SMAD1: variants seen among roughly 807,000 people sequenced by gnomAD.
SMAD1 encodes the protein SMAD family member 1, also known as MAD, mothers against decapentaplegic homolog 1.
SMAD1 carries 6 observed loss-of-function variants against 41.6 expected under a neutral mutation model. The observed-to-expected ratio is 0.14, with a 90% CI of 0.08 to 0.28. SMAD1 has a LOEUF of 0.28. Ranked by LOEUF, SMAD1 falls within the 10% of genes least tolerant of loss-of-function variation. SMAD1 has a pLI of 1.00. For synonymous variants in SMAD1, 206 were observed against 203.2 expected (o/e 1.01, Z -0.12); for missense variants, 379 against 582.6 (o/e 0.65, Z 3.60).
chr4:145,557,511 A>G (rs1449112142), intron 6 of SMAD1, among the ~76,000 whole-genome samples: 2 of 152,226 alleles, frequency 1.3e-5, no homozygotes, highest in African/African-American at 4.8e-5. Context: ...TTATTAAGAT[A>G]ACTTTATAAT....
intron 1 of SMAD1, among the ~76,000 whole-genome samples, chr4:145,496,541 C>A (rs991787422): frequency 6.6e-6 from 1 of 151,970 alleles, no homozygotes; most frequent in Non-Finnish European, 1.5e-5. Context: ...AGGTTCGAAC[C>A]GCAGGAGTCC....
intron 3 of SMAD1, 102 bp downstream of exon 3, chr4:145,540,163 C>T: frequency 7.3e-7 from 1 of 1,361,138 alleles, no homozygotes; most frequent in Non-Finnish European, 1.0e-6. Context: ...AGGTTTTCAG[C>T]CCTGGTATAT....
At chr4:145,550,144 C>T (rs574776901) in intron 5 of SMAD1, among the ~76,000 whole-genome samples, 1 of 152,218 alleles carries the variant, frequency 6.6e-6, no homozygotes, top group African/African-American at 2.4e-5. Flanking sequence ...GCAAGATGAT[C>T]ATTATGTGTA....
chr4:145,498,790 A>C (rs558625246), intron 1 of SMAD1, among the ~76,000 whole-genome samples: 2 of 152,304 alleles, frequency 1.3e-5, no homozygotes, highest in South Asian at 4.1e-4. Flanking sequence ...ATGAAAGTCC[A>C]TCTGTTTTTT....
chr4:145,543,685 A>G (rs1450176182), intron 4 of SMAD1, among the ~76,000 whole-genome samples: 2 of 152,146 alleles, frequency 1.3e-5, no homozygotes, highest in Non-Finnish European at 2.9e-5. Flanking sequence ...TACATAGGCA[A>G]GTAGGATAGA....
intron 2 of SMAD1, among the ~76,000 whole-genome samples, 161 bp downstream of exon 2, chr4:145,515,174 G>GTCTGTCTGTC (rs1553945869): frequency 6.7e-6 from 1 of 150,112 alleles, no homozygotes; most frequent in African/African-American, 2.5e-5. Flanking sequence ...GTGTGTGTGT[G>GTCTGTCTGTC]TGTCTGTGTG....
rs1425718414 is a variant in SMAD1 at position 145,481,917 on chromosome 4, A to G, written c.-298A>G. ...GGAGAAAGGAGAGGCCGAGCGGCTCAACCCGGGCCGAGGCTCGGGGAGCGG... is the reference window on the plus strand; with the variant it reads ...GGAGAAAGGAGAGGCCGAGCGGCTCGACCCGGGCCGAGGCTCGGGGAGCGG... On this transcript the variant is annotated 5_prime_UTR_variant, in exon 1 of 7. Transcript: ENST00000302085. 2 of 152,696 alleles carry G rather than the reference A, an allele frequency of 1.3e-5. No individual in the cohort carries two copies. The highest frequency in any genetic ancestry group is 2.4e-5 in the African/African-American group (1 of 41,406). The allele number at this position is 152,696 out of a possible 1,614,324, so 9.5% of individuals were successfully genotyped here.
rs1578842124 is a variant in SMAD1 at position 145,558,917 on chromosome 4, A to G, written c.*983A>G. Among the ~76,000 whole-genome samples, 1 of 152,196 alleles carries G rather than the reference A, an allele frequency of 6.6e-6. No individual in the cohort carries two copies. Among genetic ancestry groups the G allele is most frequent in the South Asian group, 2.1e-4 (1 of 4,826 alleles). The stretch of plus-strand genomic sequence containing the variant: ...TTTACGGAGTTTACAGTACAGAAAT[A>G]GGCTTTAATTTTCAAGTGAATTTTT... On this transcript the variant is annotated 3_prime_UTR_variant, in exon 7 of 7. Transcript: ENST00000302085.
At position 145,542,608 on chromosome 4, in the gene SMAD1, C is replaced by G; in HGVS notation, c.685C>G (p.Pro229Ala). The change falls in exon 4 of 7, where the codon CCT (proline) becomes GCT (alanine). Residue 229 changes from proline to alanine, a missense_variant. Pro to Ala is a conservative substitution (Grantham distance 27). This residue lies in a region of SMAD1 where 208 missense variants were observed against 210.5 expected (regional missense o/e 0.99). Coordinates refer to ENST00000302085, the MANE Select transcript of SMAD1 (RefSeq NM_005900.3). ...PADTPPPAYL[P>A]PEDPMTQDGS... Reference sequence around the variant, plus strand: ...TGATACGCCCCCACCTGCTTACCTGCCTCCTGAAGACCCCATGACCCAGGA... The same window carrying G: ...TGATACGCCCCCACCTGCTTACCTGGCTCCTGAAGACCCCATGACCCAGGA... 6.2e-7 allele frequency: 1 copy of G among 1,610,402 alleles called. No individual in the cohort carries two copies. The highest frequency in any genetic ancestry group is 1.3e-5 in the African/African-American group (1 of 74,918).
chr4:145,544,847 A>AT (rs1732157204), intron 4 of SMAD1: 1 of 152,228 alleles, frequency 6.6e-6, no homozygotes, highest in South Asian at 2.1e-4. Flanking sequence ...CCAGGAGAGA[A>AT]TAGGCACAGT....
intron 5 of SMAD1, among the ~76,000 whole-genome samples, chr4:145,551,997 A>G (rs546842954): frequency 1.3e-3 from 202 of 152,350 alleles, no homozygotes; most frequent in Middle Eastern, 3.4e-3. Context: ...CATTTAAAAA[A>G]CATTCATACA....
intron 1 of SMAD1, among the ~76,000 whole-genome samples, chr4:145,484,105 GTTAAATA>G (rs1728343792): frequency 6.6e-6 from 1 of 152,084 alleles, no homozygotes; most frequent in African/African-American, 2.4e-5. Context: ...GCAATTCTGG[GTTAAATA>G]TTAAATCTAA....
intron 1 of SMAD1, chr4:145,498,123 A>T (rs1180316275): frequency 6.6e-6 from 1 of 152,238 alleles, no homozygotes; most frequent in East Asian, 1.9e-4. Context: ...AATAACATAG[A>T]ACATTTTTAT....
chr4:145,480,790 C>T (rs1223383145), upstream of SMAD1, among the ~76,000 whole-genome samples: 1 of 152,190 alleles, frequency 6.6e-6, no homozygotes, highest in African/African-American at 2.4e-5. Context: ...GAATGATCAA[C>T]TGCGTCAAAC....
chr4:145,504,858 CT>C (rs1394193800), intron 1 of SMAD1, among the ~76,000 whole-genome samples: 1 of 152,182 alleles, frequency 6.6e-6, no homozygotes, highest in Non-Finnish European at 1.5e-5. Flanking sequence ...CAATTCTTTG[CT>C]TACAAGATGG....
chr4:145,504,887 A>G (rs1276300101), intron 1 of SMAD1, among the ~76,000 whole-genome samples: 1 of 152,228 alleles, frequency 6.6e-6, no homozygotes, highest in Non-Finnish European at 1.5e-5. Flanking sequence ...GATGCAAGCA[A>G]TGATGGATTG....
At chr4:145,487,739 G>A (rs1728551850) in intron 1 of SMAD1, among the ~76,000 whole-genome samples, 2 of 152,208 alleles carry the variant, frequency 1.3e-5, no homozygotes, top group Non-Finnish European at 2.9e-5. Flanking sequence ...GCGTTATTAA[G>A]ATGGTGTCAG....
intron 2 of SMAD1, among the ~76,000 whole-genome samples, chr4:145,522,253 C>T (rs187183103): frequency 0.012 from 1,808 of 151,800 alleles, 20 homozygotes; most frequent in Non-Finnish European, 0.018. Flanking sequence ...GAGCCGGGAT[C>T]GCGCCACTGC....
intron 2 of SMAD1, among the ~76,000 whole-genome samples, chr4:145,528,345 T>G (rs1731146571): frequency 6.6e-6 from 1 of 152,038 alleles, no homozygotes; most frequent in African/African-American, 2.4e-5. Context: ...TCTTGTGATT[T>G]GCCCTCCTCA....
Sources: allele counts gnomAD v4.1 joint callset (sites outside exome capture counted in the v4.1 genomes callset), GRCh38; gene constraint gnomAD v4.1.1; regional missense constraint gnomAD v4.1.1; transcripts MANE v1.5; gene names NCBI Gene and HGNC (gene_info 2026-07-23, HGNC 2026-07-21).